The following SEMA3C variants were observed in gnomAD, a reference collection of about 807,000 sequenced individuals.
SEMA3C encodes semaphorin 3C.
SEMA3C carries 47 observed loss-of-function variants against 89.4 expected under a neutral mutation model. The observed-to-expected ratio is 0.53, with a 90% confidence interval of 0.42 to 0.67. SEMA3C has a LOEUF of 0.67. Among genes scored for constraint, SEMA3C ranks in the 30% least tolerant of loss-of-function variants. SEMA3C has a pLI of 0.00. For synonymous variants in SEMA3C, 310 were observed against 320.2 expected, an observed-to-expected ratio of 0.97 and a Z score of 0.34; for missense variants, 839 against 929.1, an observed-to-expected ratio of 0.90 and a Z score of 1.26.
intron 17 of SEMA3C, among the ~76,000 whole-genome samples, chr7:80,746,339 A>T (rs4731795): frequency 0.47 from 71,846 of 151,812 alleles, 17,997 homozygotes; most frequent in East Asian, 0.67. Flanking sequence ...AGAGAGAATC[A>T]CTTGGAGGAA....
At chr7:80,752,468 G>T (rs1215240310) in intron 15 of SEMA3C, among the ~76,000 whole-genome samples, 1 of 151,842 alleles carries the variant, frequency 6.6e-6, no homozygotes, top group African/African-American at 2.4e-5. Context: ...AAATTAGCTG[G>T]GCATGGTGGT....
intron 12 of SEMA3C, among the ~76,000 whole-genome samples, chr7:80,774,558 TATA>T (rs1159570081): frequency 1.3e-5 from 2 of 151,968 alleles, no homozygotes; most frequent in Admixed American, 1.3e-4. Context: ...GAACTAAAAG[TATA>T]ATAACAGAAA....
chr7:80,783,298 A>G (rs977066061), intron 12 of SEMA3C, among the ~76,000 whole-genome samples: 1 of 151,760 alleles, frequency 6.6e-6, no homozygotes, highest in Admixed American at 6.6e-5. Context: ...TCTCTTTGCT[A>G]CTCTTCTACA....
intron 6 of SEMA3C, among the ~76,000 whole-genome samples, chr7:80,809,217 T>C (rs551309725): frequency 2.0e-5 from 3 of 152,340 alleles, no homozygotes; most frequent in African/African-American, 7.2e-5. Flanking sequence ...TTAACTGATA[T>C]TTTGTGTAAA....
intron 2 of SEMA3C, among the ~76,000 whole-genome samples, chr7:80,853,550 T>C (rs1790566039): frequency 6.6e-6 from 1 of 152,124 alleles, no homozygotes; most frequent in Non-Finnish European, 1.5e-5. Context: ...CACTCATTTA[T>C]GGGAGCTAAA....
chr7:80,756,093 A>C (rs1225713239), intron 15 of SEMA3C, among the ~76,000 whole-genome samples: 5 of 152,158 alleles, frequency 3.3e-5, no homozygotes, highest in Non-Finnish European at 7.3e-5. Flanking sequence ...CATATTTCTA[A>C]CTGCCTACTC....
chr7:80,795,970 T>G (rs1789054528), intron 11 of SEMA3C, among the ~76,000 whole-genome samples: 1 of 152,230 alleles, frequency 6.6e-6, no homozygotes, highest in Non-Finnish European at 1.5e-5. Flanking sequence ...TGCATGAGGC[T>G]CTGAGGCCTC....
intron 2 of SEMA3C, among the ~76,000 whole-genome samples, chr7:80,893,133 A>C (rs562675272): frequency 6.6e-6 from 1 of 152,224 alleles, no homozygotes; most frequent in Non-Finnish European, 1.5e-5. Flanking sequence ...CCTTTTCATT[A>C]GCTTATTTAT....
intron 9 of SEMA3C, among the ~76,000 whole-genome samples, chr7:80,801,499 G>T (rs1789207025): frequency 6.6e-6 from 1 of 152,024 alleles, no homozygotes; most frequent in Non-Finnish European, 1.5e-5. Context: ...ATTTCTGATA[G>T]AAAACTCCAA....
chr7:80,804,105 C>T lies in SEMA3C; in HGVS notation c.801+1G>A, dbSNP rs199843225. 2 of 1,606,858 alleles carry T rather than the reference C, an allele frequency of 1.2e-6. No individual in the cohort carries two copies. The highest frequency in any genetic ancestry group is 2.7e-5 in the African/African-American group (2 of 74,736). On this transcript the variant is annotated splice_donor_variant, in intron 8 of 17. Transcript: ENST00000265361. LOFTEE classifies it high-confidence loss of function. ...CAAATCGGAACAGCATTAATACTTA[C>T]AGGACATATTCGAGCAATCATGGAA...
chr7:80,894,629 G>A (rs987590784), intron 2 of SEMA3C, among the ~76,000 whole-genome samples: 2 of 151,924 alleles, frequency 1.3e-5, no homozygotes, highest in Non-Finnish European at 2.9e-5. Flanking sequence ...TCTTTTCTTT[G>A]GATGCTAAGA....
intron 2 of SEMA3C, among the ~76,000 whole-genome samples, chr7:80,886,982 G>T (rs1791498022): frequency 6.6e-6 from 1 of 152,080 alleles, no homozygotes; most frequent in South Asian, 2.1e-4. Context: ...TGAAATGTGT[G>T]CATGTTTGTA....
At chr7:80,763,546 AC>A (rs905176113) in intron 13 of SEMA3C, among the ~76,000 whole-genome samples, 15 of 152,208 alleles carry the variant, frequency 9.9e-5, no homozygotes, top group Non-Finnish European at 1.5e-5. Flanking sequence ...AGATGATAAC[AC>A]CAGCATAACT....
intron 2 of SEMA3C, among the ~76,000 whole-genome samples, chr7:80,874,081 C>T (rs189205791): frequency 6.6e-6 from 1 of 152,294 alleles, no homozygotes; most frequent in East Asian, 1.9e-4. Context: ...GAGGCATTTA[C>T]TGTACTCCTT....
At chr7:80,880,961 C>T (rs898997846) in intron 2 of SEMA3C, among the ~76,000 whole-genome samples, 2 of 151,934 alleles carry the variant, frequency 1.3e-5, no homozygotes, top group Non-Finnish European at 2.9e-5. Flanking sequence ...AATCGGATCG[C>T]AGAAAGAAAT....
At chr7:80,818,057 T>C (rs1583907043) in intron 5 of SEMA3C, among the ~76,000 whole-genome samples, 2 of 149,330 alleles carry the variant, frequency 1.3e-5, no homozygotes, top group South Asian at 2.1e-4. Context: ...ACTAAAAGTA[T>C]ACACACACAC....
chr7:80,859,608 G>T (rs971442555), intron 2 of SEMA3C, among the ~76,000 whole-genome samples: 2 of 152,108 alleles, frequency 1.3e-5, no homozygotes, highest in Non-Finnish European at 2.9e-5. Flanking sequence ...TAAGTCAAAC[G>T]CAAAGTTTAG....
rs558301981 is a variant in SEMA3C, at chr7:80,761,741, CAAG to C, written c.1444-87_1444-85del. ...TTCAGATTTTTTTTCTATTAAATCT[CAAG>C]AAGAAATCACTTTTCTTTATATATA... On this transcript the variant is annotated intron_variant, in intron 13 of 17. Transcript: ENST00000265361. 1.2e-3 allele frequency: 901 copies of C among 748,440 alleles called. 5 individuals carry two copies. In the African/African-American group the frequency reaches 0.015, roughly 13 times the overall value. 46.4% of individuals were successfully genotyped at this position (748,440 alleles called of 1,614,324 possible). A position where few individuals can be genotyped will look rare whatever the true frequency, so the allele number is the denominator to read the frequency against.
chr7:80,863,678 CAT>C (rs1218848484), intron 2 of SEMA3C, among the ~76,000 whole-genome samples: 2 of 138,914 alleles, frequency 1.4e-5, no homozygotes, highest in African/African-American at 5.9e-5. Context: ...TATATACACA[CAT>C]ATATATACAC....
Sources: allele counts gnomAD v4.1 joint callset (sites outside exome capture counted in the v4.1 genomes callset), GRCh38; gene constraint gnomAD v4.1.1; transcripts MANE v1.5; gene names NCBI Gene and HGNC (gene_info 2026-07-23, HGNC 2026-07-21).